Variants in POLA1 observed in about 807,000 individuals in gnomAD.
POLA1 encodes the protein DNA polymerase alpha 1, catalytic subunit.
A neutral mutation model predicts 124.0 loss-of-function variants in POLA1; 15 were observed. The observed-to-expected ratio is 0.12, with a 90% CI of 0.08 to 0.19. The LOEUF (loss-of-function observed/expected upper bound fraction) is 0.19. Among genes scored for constraint, POLA1 ranks in the 10% least tolerant of loss-of-function variants. POLA1 has a pLI of 1.00. For missense variants in POLA1, 886 were observed against 1,103.4 expected, an observed-to-expected ratio of 0.80 and a Z score of 2.79; for synonymous variants, 408 against 389.4, an observed-to-expected ratio of 1.05 and a Z score of -0.56.
chrX:24,881,299 C>T (rs1268903343), intron 34 of POLA1, among the ~76,000 whole-genome samples: 4 of 111,850 alleles, frequency 3.6e-5, no homozygotes, highest in Admixed American at 1.9e-4. Flanking sequence ...TAATAGTGCA[C>T]TGTCAGCTAT....
intron 4 of POLA1, among the ~76,000 whole-genome samples, chrX:24,712,336 G>T (rs886632917): frequency 5.4e-4 from 59 of 109,960 alleles, no homozygotes; most frequent in Non-Finnish European, 3.0e-4. Flanking sequence ...CGCCCGCCTC[G>T]TGGCCTCCCA....
chrX:24,951,461 C>T (rs1280991208), intron 36 of POLA1, among the ~76,000 whole-genome samples: 1 of 105,139 alleles, frequency 9.5e-6, no homozygotes, highest in Non-Finnish European at 1.9e-5. Context: ...TTTTAGAATA[C>T]CACATGCTGT....
intron 31 of POLA1, among the ~76,000 whole-genome samples, chrX:24,825,938 C>T (rs1385415285): frequency 1.8e-5 from 2 of 111,856 alleles, no homozygotes; most frequent in African/African-American, 6.5e-5. Context: ...TGATACATGG[C>T]TCTCATAGAA....
chrX:24,745,724 A>G (rs1291254965), intron 24 of POLA1, among the ~76,000 whole-genome samples, 182 bp downstream of exon 24: 1 of 111,972 alleles, frequency 8.9e-6, no homozygotes, highest in Non-Finnish European at 1.9e-5. Flanking sequence ...CATCATCACA[A>G]TGAGTTTTAG....
chrX:24,913,817 C>T (rs990272337), intron 35 of POLA1, among the ~76,000 whole-genome samples: 4 of 110,297 alleles, frequency 3.6e-5, no homozygotes, highest in Non-Finnish European at 7.6e-5. Context: ...CACCCAAGAT[C>T]GGGAGTTCGA....
At chrX:24,902,798 T>C (rs191868051) in intron 35 of POLA1, among the ~76,000 whole-genome samples, 169 of 112,047 alleles carry the variant, frequency 1.5e-3, no homozygotes, top group Non-Finnish European at 2.5e-3. Context: ...CACAAAAACT[T>C]CATCAGTGAC....
intron 32 of POLA1, among the ~76,000 whole-genome samples, chrX:24,841,098 G>A (rs1391849416): frequency 9.0e-6 from 1 of 111,615 alleles, no homozygotes; most frequent in Non-Finnish European, 1.9e-5. Flanking sequence ...TCTGAATTTC[G>A]AACATCAAGA....
Position 24,748,391 on chromosome X carries a change from G to A in POLA1, c.2772G>A (p.Leu924=). Residue 924 remains leucine (L), a synonymous_variant, in exon 25 of 37, where the codon CTG becomes CTA. Coordinates refer to ENST00000379068, the MANE Select transcript of POLA1 (RefSeq NM_001330360.2). The part of the protein sequence containing the change: ...MGILPREIRK[L]VERRKQVKQL... The stretch of plus-strand genomic sequence containing the variant: ...TTTTGCCCAGAGAGATCCGGAAACT[G>A]GTAGAACGGAGAAAACAAGTCAAAC... The A allele has an allele frequency of 8.3e-7, 1 of 1,199,768 alleles. No homozygotes were observed. The highest frequency in any genetic ancestry group is 1.1e-6 in the Non-Finnish European group (1 of 884,936).
chrX:24,979,511 A>G (rs1200364787), intron 36 of POLA1, among the ~76,000 whole-genome samples: 2 of 112,303 alleles, frequency 1.8e-5, no homozygotes, highest in East Asian at 5.6e-4. Flanking sequence ...TGACTGTTCT[A>G]TATGTCAGCC....
chrX:24,950,058 C>T (rs779532550), intron 36 of POLA1, among the ~76,000 whole-genome samples: 5 of 112,275 alleles, frequency 4.5e-5, no homozygotes, highest in South Asian at 3.7e-4. Flanking sequence ...AGCACTTTCA[C>T]GTGTCCTTTG....
chrX:24,752,475 G>A (rs769264035), intron 26 of POLA1, among the ~76,000 whole-genome samples: 4 of 112,134 alleles, frequency 3.6e-5, no homozygotes, highest in Non-Finnish European at 7.5e-5. Flanking sequence ...TTCTCAATGT[G>A]TGTGTAGAGA....
At chrX:24,893,484 T>C (rs781396630) in intron 35 of POLA1, among the ~76,000 whole-genome samples, 2 of 112,097 alleles carry the variant, frequency 1.8e-5, no homozygotes, top group East Asian at 5.6e-4. Flanking sequence ...TTCACAATGC[T>C]GTGTGGCTAC....
intron 22 of POLA1, among the ~76,000 whole-genome samples, chrX:24,742,665 TTTAATGTACATTATCAAAA>T (rs1251381205): frequency 1.8e-5 from 2 of 112,079 alleles, no homozygotes; most frequent in African/African-American, 3.2e-5. Flanking sequence ...TTGCTTGTTT[TTTAATGTACATTATCAAAA>T]TTGGTATAGG....
chrX:24,904,551 C>T (rs2047332570), intron 35 of POLA1, among the ~76,000 whole-genome samples: 1 of 110,914 alleles, frequency 9.0e-6, no homozygotes, highest in African/African-American at 3.3e-5. Context: ...TCCCTGAATC[C>T]TCTTTCTCTT....
rs201355237 is a variant in POLA1 at position 24,936,906 on chromosome X, A to G, written c.4261+6357A>G. On this transcript the variant is annotated intron_variant, in intron 36 of 36. Transcript: ENST00000379068. Reference sequence around the variant, plus strand: ...TTTTCTGTTTTTAATAAGTAATAACAGGTAAAGCACACACAAAACAGTTCG... The same window carrying G: ...TTTTCTGTTTTTAATAAGTAATAACGGGTAAAGCACACACAAAACAGTTCG... Among the ~76,000 whole-genome samples the G allele has an allele frequency of 2.2e-4, 25 of 112,539 alleles. No individual in the cohort carries two copies. In the East Asian group the frequency reaches 6.9e-3, roughly 31 times the overall value.
chrX:24,907,156 A>C (rs2047380972), intron 35 of POLA1, among the ~76,000 whole-genome samples: 2 of 111,381 alleles, frequency 1.8e-5, no homozygotes, highest in Non-Finnish European at 3.8e-5. Context: ...ATGCCATTGC[A>C]TTCCAGCCTG....
intron 26 of POLA1, among the ~76,000 whole-genome samples, chrX:24,753,777 T>G (rs1287136658): frequency 1.8e-5 from 2 of 112,736 alleles, no homozygotes; most frequent in East Asian, 5.5e-4. Context: ...TTATTTTATT[T>G]CTCTACTCTC....
At chrX:24,905,028 A>C (rs1427692345) in intron 35 of POLA1, among the ~76,000 whole-genome samples, 3 of 108,783 alleles carry the variant, frequency 2.8e-5, no homozygotes, top group African/African-American at 1.0e-4. Context: ...TGTCTCAAAA[A>C]AAAAAAAAAA....
intron 36 of POLA1, among the ~76,000 whole-genome samples, chrX:24,940,321 G>A (rs2047897386): frequency 1.8e-5 from 2 of 111,666 alleles, no homozygotes; most frequent in African/African-American, 3.3e-5. Context: ...TTGGTCTGTA[G>A]GAGCCTATTT....
Sources: allele counts gnomAD v4.1 joint callset (sites outside exome capture counted in the v4.1 genomes callset), GRCh38; gene constraint gnomAD v4.1.1; transcripts MANE v1.5; gene names NCBI Gene and HGNC (gene_info 2026-07-23, HGNC 2026-07-21).